The following TRMT2B variants were observed in gnomAD, a reference collection of about 807,000 sequenced individuals.
The protein encoded by TRMT2B is tRNA (uracil-5-)-methyltransferase homolog B.
In TRMT2B, 34 loss-of-function variants were observed where a neutral mutation model predicts 39.7. The ratio of observed to expected loss-of-function variants is 0.86; its 90% CI spans 0.65 to 1.14. The LOEUF is 1.14. TRMT2B is among the 50% of genes most tolerant of loss of function. The pLI is 0.00. For missense variants in TRMT2B, 318 were observed against 377.2 expected, an observed-to-expected ratio of 0.84 and a Z score of 1.30; for synonymous variants, 132 against 137.3, an observed-to-expected ratio of 0.96 and a Z score of 0.27.
chrX:101,035,639 G>C lies in TRMT2B; in HGVS notation c.583C>G (p.Pro195Ala), dbSNP rs1215154337. Residue 195 changes from proline (P) to alanine (A), a missense_variant, in exon 7 of 14, where the codon CCT (proline) becomes GCT (alanine). By Grantham distance (27) the Pro-to-Ala change is conservative (BLOSUM62 -1). Transcript: ENST00000372936. ...TGCGCCACTTGACTGTGTTTCTCAG[G>C]GATGTTTTTCAGATGATTAGACTGC... is the stretch of plus-strand genomic sequence containing the variant. ...CVQSNHLKNI[P>A]EKHSQVAQYY... is the part of the protein sequence containing the mutation. 2 of 1,210,654 alleles carry C rather than the reference G, an allele frequency of 1.7e-6. No individual in the cohort carries two copies. Among genetic ancestry groups the C allele is most frequent in the Non-Finnish European group, 2.2e-6 (2 of 894,727 alleles).
At chrX:101,021,370 T>A (rs1248284428) in intron 9 of TRMT2B, 55 bp from the exon 10 acceptor site, 2 of 1,080,943 alleles carry the variant, frequency 1.9e-6, no homozygotes, top group East Asian at 3.0e-5. Flanking sequence ...GGCTCACGCC[T>A]GTAATCCCAG....
the TRMT2B span, among the ~76,000 whole-genome samples, chrX:100,987,953 A>C: frequency 8.9e-6 from 1 of 112,013 alleles, no homozygotes; most frequent in Non-Finnish European, 1.9e-5. Context: ...CTCTAGTTCT[A>C]TAATCCTCCC....
At chrX:101,007,668 TAAATA>T (rs1265983627), downstream of TRMT2B, among the ~76,000 whole-genome samples, 1 of 111,037 alleles carries the variant, frequency 9.0e-6, no homozygotes, top group Non-Finnish European at 1.9e-5. Context: ...AATTACTAAC[TAAATA>T]AAATAAAATA....
At chrX:100,985,009 T>C in the TRMT2B span, among the ~76,000 whole-genome samples, 10 of 112,633 alleles carry the variant, frequency 8.9e-5, no homozygotes, top group Non-Finnish European at 1.7e-4. Flanking sequence ...ATATGTGCTA[T>C]GACAATGGTA....
chrX:100,976,679 C>A, the TRMT2B span, among the ~76,000 whole-genome samples: 1 of 112,523 alleles, frequency 8.9e-6, no homozygotes, highest in South Asian at 3.7e-4. Context: ...ATGGCACAAT[C>A]TTGGCTCACT....
intron 13 of TRMT2B, among the ~76,000 whole-genome samples, chrX:101,018,067 T>C (rs1211542371): frequency 1.8e-5 from 2 of 110,533 alleles, no homozygotes; most frequent in East Asian, 2.8e-4. Flanking sequence ...TTCGTCTCTA[T>C]AAAAAAATCA....
chrX:100,982,481 A>G, the TRMT2B span, among the ~76,000 whole-genome samples: 1 of 104,742 alleles, frequency 9.5e-6, no homozygotes, highest in South Asian at 4.3e-4. Context: ...AAATAAATAA[A>G]TAAATAAATA....
chrX:101,000,272 C>T, the TRMT2B span, among the ~76,000 whole-genome samples: 1 of 109,680 alleles, frequency 9.1e-6, no homozygotes, highest in Non-Finnish European at 1.9e-5. Flanking sequence ...AGGCGCCCAC[C>T]ACCGTGCCCA....
At chrX:100,979,642 C>T in the TRMT2B span, among the ~76,000 whole-genome samples, 1 of 111,210 alleles carries the variant, frequency 9.0e-6, no homozygotes, top group Admixed American at 9.5e-5. Context: ...GTCATTTTTC[C>T]TGGATGGTCT....
intron 7 of TRMT2B, among the ~76,000 whole-genome samples, chrX:101,029,363 TCATTC>T (rs2087311333): frequency 9.0e-6 from 1 of 111,128 alleles, no homozygotes; most frequent in Non-Finnish European, 1.9e-5. Flanking sequence ...TCATTTCATT[TCATTC>T]ATTTCTGCTC....
At chrX:101,019,454 A>C in intron 11 of TRMT2B, 51 bp from the exon 12 acceptor site, 1 of 1,197,840 alleles carries the variant, frequency 8.3e-7, no homozygotes, top group Non-Finnish European at 1.1e-6. Flanking sequence ...AGTAAGGGAA[A>C]GCTTCAGCTT....
the TRMT2B span, among the ~76,000 whole-genome samples, chrX:100,996,671 C>T: frequency 9.0e-6 from 1 of 111,677 alleles, no homozygotes; most frequent in Non-Finnish European, 1.9e-5. Context: ...AACTCCAAGC[C>T]GACCAAATAA....
At chrX:101,029,653 T>C (rs2087328907) in intron 7 of TRMT2B, among the ~76,000 whole-genome samples, 1 of 111,579 alleles carries the variant, frequency 9.0e-6, no homozygotes, top group African/African-American at 3.3e-5. Context: ...GCCTTGAACT[T>C]ATAGGGGTGC....
chrX:100,999,274 T>C, the TRMT2B span, among the ~76,000 whole-genome samples: 2 of 112,615 alleles, frequency 1.8e-5, no homozygotes, highest in African/African-American at 6.4e-5. Flanking sequence ...AATCACCTGA[T>C]GGAAAATTGT....
chrX:101,031,180 G>T (rs758815215), intron 7 of TRMT2B, among the ~76,000 whole-genome samples: 42 of 109,739 alleles, frequency 3.8e-4, no homozygotes, highest in Non-Finnish European at 6.6e-4. Context: ...TTGCCATGTT[G>T]TCCAGGCTGG....
At chrX:100,994,583 C>A in the TRMT2B span, among the ~76,000 whole-genome samples, 1 of 111,777 alleles carries the variant, frequency 8.9e-6, no homozygotes, top group African/African-American at 3.3e-5. Flanking sequence ...CTGCCAGTAG[C>A]ACTCTGTCAG....
chrX:101,040,429 G>A (rs1291343284), intron 4 of TRMT2B, among the ~76,000 whole-genome samples: 1 of 111,400 alleles, frequency 9.0e-6, no homozygotes, highest in Non-Finnish European at 1.9e-5. Context: ...GGGAACTGAG[G>A]GAGCTGGTAG....
In TRMT2B at chrX:101,009,929, A is replaced by G. The variant is rs1055409857; in HGVS notation, c.*652T>C. The G allele has an allele frequency of 1.8e-5, 2 of 109,964 alleles. No individual in the cohort carries two copies. The highest frequency in any genetic ancestry group is 6.6e-5 in the African/African-American group (2 of 30,247). 9.1% of individuals were successfully genotyped at this position (109,964 alleles called of 1,213,427 possible). On this transcript the variant is annotated 3_prime_UTR_variant, in exon 14 of 14. Coordinates refer to ENST00000372936, the MANE Select transcript of TRMT2B (RefSeq NM_024917.6). The stretch of plus-strand genomic sequence containing the variant: ...CTGAGCAAATGCACAGGCTCCAGTC[A>G]ATGTAAAATTATTACCAGCTGCTTA...
Position 101,028,797 on chromosome X carries a change from A to T in TRMT2B, c.610-5181T>A, listed in dbSNP as rs775366756. Among the ~76,000 whole-genome samples, 20 of 111,103 alleles carry T rather than the reference A, an allele frequency of 1.8e-4. No homozygotes were observed. In the South Asian group the frequency reaches 7.3e-3, roughly 40 times the overall value. ...TGGCCTGGTGGGAGGTGATTGAGTTATGGGGGTGGACCTCCCCTTGCTGTT... is the reference window on the plus strand; with the variant it reads ...TGGCCTGGTGGGAGGTGATTGAGTTTTGGGGGTGGACCTCCCCTTGCTGTT... On this transcript the variant is annotated intron_variant, in intron 7 of 13. Transcript: ENST00000372936.
Sources: gnomAD v4.1 joint callset for allele counts (sites outside exome capture counted in the v4.1 genomes callset) on GRCh38, gnomAD v4.1.1 for gene constraint, MANE v1.5 for transcripts, NCBI Gene and HGNC (gene_info 2026-07-23, HGNC 2026-07-21) for gene names.